RELN: variants seen among roughly 807,000 people sequenced by gnomAD.
RELN encodes reelin.
A neutral mutation model predicts 427.6 loss-of-function variants in RELN; 108 were observed. The ratio of observed to expected loss-of-function variants is 0.25; its 90% CI spans 0.22 to 0.30. The LOEUF (loss-of-function observed/expected upper bound fraction) is 0.30, where lower values mean the gene tolerates loss of function less well. Ranked by LOEUF, RELN falls within the 10% of genes least tolerant of loss-of-function variation. The pLI, the probability that RELN is intolerant of heterozygous loss-of-function variation, is 1.00. For missense variants in RELN, 3,715 were observed against 4,302.8 expected (o/e 0.86, Z 3.82); for synonymous variants, 1,524 against 1,513.4 (o/e 1.01, Z -0.16).
chr7:103,647,988 T>C (rs1406108139), intron 16 of RELN, among the ~76,000 whole-genome samples: 1 of 152,030 alleles, frequency 6.6e-6, no homozygotes, highest in African/African-American at 2.4e-5. Context: ...CTGGGAAAAT[T>C]GGATGGCCAT....
chr7:103,868,507 G>A (rs546457376), intron 2 of RELN, among the ~76,000 whole-genome samples: 2 of 152,164 alleles, frequency 1.3e-5, no homozygotes, highest in East Asian at 3.9e-4. Flanking sequence ...ATTGTCCTTA[G>A]TTTAATTATT....
intron 3 of RELN, among the ~76,000 whole-genome samples, chr7:103,809,271 A>T (rs1285942835): frequency 6.6e-6 from 1 of 152,178 alleles, no homozygotes; most frequent in African/African-American, 2.4e-5. Flanking sequence ...GTTTCTGTTG[A>T]CTCAGTGAGG....
At chr7:103,707,605 T>C (rs913179918) in intron 8 of RELN, among the ~76,000 whole-genome samples, 1 of 152,038 alleles carries the variant, frequency 6.6e-6, no homozygotes, top group African/African-American at 2.4e-5. Context: ...TTCAAGCAAT[T>C]CTCCTGCCTC....
At chr7:103,738,752 G>A (rs931765958) in intron 6 of RELN, among the ~76,000 whole-genome samples, 10 of 133,420 alleles carry the variant, frequency 7.5e-5, no homozygotes, top group Non-Finnish European at 1.1e-4. Context: ...GCATTATCTC[G>A]GCTCACTGCA....
At chr7:103,553,911 G>T in intron 38 of RELN, 80 bp from the exon 39 acceptor site, 2 of 1,228,850 alleles carry the variant, frequency 1.6e-6, no homozygotes, top group Non-Finnish European at 2.4e-6. Context: ...AGAAAGCAAA[G>T]GACAAAAGCA....
chr7:103,918,480 T>C (rs545130859), intron 1 of RELN, among the ~76,000 whole-genome samples: 19 of 152,282 alleles, frequency 1.2e-4, no homozygotes, highest in African/African-American at 4.3e-4. Context: ...TGATGCTGTC[T>C]ACATGGGTTA....
At chr7:103,967,817 T>C (rs1796689576) in intron 1 of RELN, among the ~76,000 whole-genome samples, 1 of 152,168 alleles carries the variant, frequency 6.6e-6, no homozygotes. Context: ...TCCTTTCCTG[T>C]CAAAATTTCA....
At position 103,699,052 on chromosome 7, in the gene RELN, C is replaced by T. The variant is rs1359125598; in HGVS notation, c.903-959G>A. 2.6e-5 allele frequency among the ~76,000 whole-genome samples: 4 copies of T among 152,062 alleles called. No homozygotes were observed. In the South Asian group the frequency reaches 6.2e-4, roughly 24 times the overall value. On this transcript the variant is annotated intron_variant, in intron 9 of 64. Transcript: ENST00000428762. ...TGATATAACATGATTTTTTATATTA[C>T]CTCTACTAGAATCCAGATCCTTCTG...
chr7:103,502,120 G>C (rs1829050824), intron 52 of RELN, among the ~76,000 whole-genome samples: 1 of 152,174 alleles, frequency 6.6e-6, no homozygotes, highest in Non-Finnish European at 1.5e-5. Context: ...CTTATCTTTG[G>C]ATTCGTTCAT....
chr7:103,539,107 G>A lies in RELN; in HGVS notation c.7151C>T (p.Ala2384Val), dbSNP rs1584275355. The A allele has an allele frequency of 6.2e-7, 1 of 1,614,148 alleles. No homozygotes were observed. The highest frequency in any genetic ancestry group is 2.2e-5 in the East Asian group (1 of 44,882). Residue 2384 changes from alanine (A) to valine (V), a missense_variant, in exon 45 of 65, where the codon GCC (alanine) becomes GTC (valine). Ala to Val is a moderately conservative substitution (Grantham distance 64, BLOSUM62 0). Coordinates refer to ENST00000428762, the MANE Select transcript of RELN (RefSeq NM_005045.4). Reference sequence around the variant, plus strand: ...ACAAGAGTCTGTGACTGAGCAGGAGGCAGCGAAGTCTATCTGTAGGAAGGA... The same window carrying A: ...ACAAGAGTCTGTGACTGAGCAGGAGACAGCGAAGTCTATCTGTAGGAAGGA... ...EDSFLQIDFA[A>V]SCSVTDSCYA...
chr7:103,892,620 T>C (rs921831183), intron 2 of RELN, among the ~76,000 whole-genome samples: 2 of 152,198 alleles, frequency 1.3e-5, no homozygotes, highest in African/African-American at 2.4e-5. Flanking sequence ...AGATTTTATA[T>C]AGAGCTAACA....
At chr7:103,706,067 C>T (rs996396769) in intron 8 of RELN, among the ~76,000 whole-genome samples, 1 of 152,128 alleles carries the variant, frequency 6.6e-6, no homozygotes, top group African/African-American at 2.4e-5. Flanking sequence ...TTCCTCTATA[C>T]TTTCTTTTAC....
At chr7:103,975,224 T>A (rs147797584) in intron 1 of RELN, among the ~76,000 whole-genome samples, 5 of 152,342 alleles carry the variant, frequency 3.3e-5, no homozygotes, top group African/African-American at 1.2e-4. Flanking sequence ...ACAACAATTT[T>A]AACTATATCT....
At chr7:103,912,872 T>C (rs1465718995) in intron 2 of RELN, among the ~76,000 whole-genome samples, 1 of 152,144 alleles carries the variant, frequency 6.6e-6, no homozygotes, top group Non-Finnish European at 1.5e-5. Context: ...GCCTTGAAGA[T>C]TTACATGATT....
chr7:103,628,146 T>C (rs1297773535), intron 20 of RELN: 1 of 152,216 alleles, frequency 6.6e-6, no homozygotes, highest in East Asian at 1.9e-4. Context: ...ATTTAAATGT[T>C]CAGAAGCATA....
At chr7:103,785,294 T>A (rs1038441025) in intron 3 of RELN, among the ~76,000 whole-genome samples, 4 of 152,274 alleles carry the variant, frequency 2.6e-5, no homozygotes, top group South Asian at 4.1e-4. Context: ...TGGTCACTTG[T>A]CTCAGAGGCA....
intron 4 of RELN, among the ~76,000 whole-genome samples, chr7:103,755,564 C>A (rs1179616419): frequency 6.7e-6 from 1 of 149,848 alleles, no homozygotes; most frequent in African/African-American, 2.5e-5. Context: ...GCTAAGATCG[C>A]GCCACCGCAC....
intron 44 of RELN, among the ~76,000 whole-genome samples, chr7:103,539,680 G>A (rs1414409362): frequency 1.3e-5 from 2 of 152,176 alleles, no homozygotes; most frequent in African/African-American, 4.8e-5. Flanking sequence ...TGTACCCTAA[G>A]GCATTTCAGT....
At position 103,569,993 on chromosome 7, in the gene RELN, ATC is replaced by A. The variant is rs1476632258; in HGVS notation, c.4588+2189_4588+2190del. On this transcript the variant is annotated intron_variant, in intron 31 of 64. Coordinates refer to ENST00000428762, the MANE Select transcript of RELN (RefSeq NM_005045.4). The surrounding 1 kb of genome is among the most constrained non-coding windows in gnomAD (Gnocchi z 4.0). The stretch of plus-strand genomic sequence containing the variant: ...ATGCTTCAGCTTGAGTAAGTAAAGA[ATC>A]TCTACTTTCATCACTGGAAGAGATT... Among the ~76,000 whole-genome samples, 1 of 152,232 alleles carries A rather than the reference ATC, an allele frequency of 6.6e-6. No individual in the cohort carries two copies. The highest frequency in any genetic ancestry group is 1.9e-4 in the East Asian group (1 of 5,200).
Sources: allele counts gnomAD v4.1 joint callset (sites outside exome capture counted in the v4.1 genomes callset), GRCh38; gene constraint gnomAD v4.1.1; non-coding constraint Gnocchi (gnomAD v3.1); transcripts MANE v1.5; gene names NCBI Gene and HGNC (gene_info 2026-07-23, HGNC 2026-07-21).